USP43: variants seen among roughly 807,000 people sequenced by gnomAD.
USP43 encodes ubiquitin carboxyl-terminal hydrolase 43.
A neutral mutation model predicts 90.7 loss-of-function variants in USP43; 33 were observed. That is an observed-to-expected ratio of 0.36 (90% CI 0.28 to 0.49). The LOEUF is 0.49. Among genes scored for constraint, USP43 ranks in the 20% least tolerant of loss-of-function variants. The pLI is 0.98. For synonymous variants in USP43, 598 were observed against 615.8 expected, an observed-to-expected ratio of 0.97 and a Z score of 0.43; for missense variants, 1,274 against 1,476.4, an observed-to-expected ratio of 0.86 and a Z score of 2.25.
At chr17:9,704,662 C>T (rs1468798885) in intron 12 of USP43, among the ~76,000 whole-genome samples, 2 of 152,034 alleles carry the variant, frequency 1.3e-5, no homozygotes, top group Non-Finnish European at 2.9e-5. Flanking sequence ...TGTTTTGGGT[C>T]CTCACCTGGC....
At position 9,645,753 on chromosome 17, in the gene USP43, C is replaced by T. The variant is rs1911337323; in HGVS notation, c.121C>T (p.Pro41Ser). ...GCTGGCGCTGGGCAGCCGCTCACGC[C>T]CCGGGGACTCACCGCCCCGGCCCCA... ...FLLALGSRSR[P>S]GDSPPRPQPG... Residue 41 changes from proline (P) to serine (S), a missense_variant, in exon 1 of 15, where the codon CCC (proline) becomes TCC (serine). Around this residue, in one of 6 missense-constraint regions of USP43, gnomAD observed 112 missense variants for 106.6 expected, o/e 1.05. Transcript: ENST00000285199. This position sits in a 1 kb window ranked among gnomAD's most constrained non-coding sequence, Gnocchi z 6.8. The T allele has an allele frequency of 5.7e-6, 8 of 1,396,854 alleles. No individual in the cohort carries two copies. The East Asian group carries it at 1.5e-4, about 27-fold the overall frequency. 86.5% of individuals were successfully genotyped at this position (1,396,854 alleles called of 1,614,324 possible).
intron 6 of USP43, among the ~76,000 whole-genome samples, chr17:9,681,123 AAT>A (rs547924777): frequency 4.9e-4 from 56 of 113,286 alleles, no homozygotes; most frequent in East Asian, 2.8e-3. Flanking sequence ...TATACTATAT[AAT>A]ATATACTATA....
chr17:9,657,040 T>C (rs1315380689), intron 2 of USP43, among the ~76,000 whole-genome samples: 1 of 152,224 alleles, frequency 6.6e-6, no homozygotes, highest in African/African-American at 2.4e-5. Flanking sequence ...AGGAAAGCAC[T>C]ACAATCATTT....
chr17:9,681,902 T>G (rs1326340981), intron 6 of USP43, among the ~76,000 whole-genome samples: 1 of 152,292 alleles, frequency 6.6e-6, no homozygotes, highest in African/African-American at 2.4e-5. Flanking sequence ...CTATGGGAAC[T>G]GGATGTTTGA....
In USP43 at chr17:9,652,448, G is replaced by A. The variant is rs369309647; in HGVS notation, c.505-3955G>A. Among the ~76,000 whole-genome samples, 7 of 151,310 alleles carry A rather than the reference G, an allele frequency of 4.6e-5. No homozygotes were observed. The South Asian group carries it at 1.0e-3, about 23-fold the overall frequency. On this transcript the variant is annotated intron_variant, in intron 1 of 14. Transcript: ENST00000285199. ...ACCATCTCGGCTCACTGCAAGCTCC[G>A]CCTCCCGGGTTCAAGTGATTCTTCT...
chr17:9,680,129 A>G, intron 5 of USP43, 102 bp from the exon 6 acceptor site: 2 of 1,341,356 alleles, frequency 1.5e-6, no homozygotes, highest in Non-Finnish European at 2.1e-6. Context: ...AATTGGAAGG[A>G]AAAGGTGAAA....
In USP43 at chr17:9,686,438, C is replaced by G; in HGVS notation, c.1242-360C>G. ...TTCCCACCAACAGTGTATAAGAGTTCCCTTTTCTCCATATCCTCACCAGCA... is the reference window on the plus strand; with the variant it reads ...TTCCCACCAACAGTGTATAAGAGTTGCCTTTTCTCCATATCCTCACCAGCA... On this transcript the variant is annotated intron_variant, in intron 7 of 14. Coordinates refer to ENST00000285199, the MANE Select transcript of USP43 (RefSeq NM_153210.5). This position sits in a 1 kb window ranked among gnomAD's most constrained non-coding sequence, Gnocchi z 5.5. Among the ~76,000 whole-genome samples the G allele has an allele frequency of 6.6e-6, 1 of 152,112 alleles. No individual in the cohort carries two copies. The highest frequency in any genetic ancestry group is 1.9e-4 in the East Asian group (1 of 5,188).
rs1914628377 is a variant in USP43 at position 9,686,940 on chromosome 17, T to TGC, written c.1353+33_1353+34dup. ...TGGTGTGCATGCGTGTGTGTGTGTG[T>TGC]GCGTGCATGCGCATGTGCATGCGTG... On this transcript the variant is annotated intron_variant, in intron 8 of 14. Transcript: ENST00000285199. The surrounding 1 kb of genome is among the most constrained non-coding windows in gnomAD (Gnocchi z 5.5). The TGC allele has an allele frequency of 1.9e-6, 3 of 1,548,988 alleles. No homozygotes were observed. Among genetic ancestry groups the TGC allele is most frequent in the Non-Finnish European group, 2.7e-6 (3 of 1,127,786 alleles).
intron 14 of USP43, among the ~76,000 whole-genome samples, chr17:9,719,663 T>G (rs564311446): frequency 4.0e-5 from 6 of 151,734 alleles, no homozygotes; most frequent in African/African-American, 1.4e-4. Flanking sequence ...CGCTTTCACA[T>G]GGAGAGAGAC....
At position 9,685,011 on chromosome 17, in the gene USP43, G is replaced by A. The variant is rs550683376; in HGVS notation, c.1242-1787G>A. The stretch of plus-strand genomic sequence containing the variant: ...CTTTACCCTAAGGGAATAATTGTGC[G>A]CTCAAAGGTTATGTCCAAGGTTATA... On this transcript the variant is annotated intron_variant, in intron 7 of 14. Coordinates refer to ENST00000285199, the MANE Select transcript of USP43 (RefSeq NM_153210.5). 8.7e-4 allele frequency among the ~76,000 whole-genome samples: 133 copies of A among 152,180 alleles called. No individual in the cohort carries two copies. The South Asian group carries it at 0.023, about 26-fold the overall frequency.
chr17:9,650,469 C>A (rs1911776695), intron 1 of USP43, among the ~76,000 whole-genome samples: 1 of 152,116 alleles, frequency 6.6e-6, no homozygotes, highest in South Asian at 2.1e-4. Context: ...GGGGCGCTAT[C>A]TCGGCTCACT....
In USP43 at chr17:9,709,656, C is replaced by T. The variant is rs1004139471; in HGVS notation, c.2012-300C>T. Among the ~76,000 whole-genome samples the T allele has an allele frequency of 6.6e-6, 1 of 152,002 alleles. No individual in the cohort carries two copies. The highest frequency in any genetic ancestry group is 6.6e-5 in the Admixed American group (1 of 15,242). On this transcript the variant is annotated intron_variant, in intron 12 of 14. Transcript: ENST00000285199. This position sits in a 1 kb window ranked among gnomAD's most constrained non-coding sequence, Gnocchi z 5.0. The stretch of plus-strand genomic sequence containing the variant: ...ACTGGAACCCGGGGGGTGGAGGTTG[C>T]CGTGAGCCGAGATCGCGCCACTTCA...
chr17:9,666,319 A>G (rs1241096062), intron 2 of USP43, among the ~76,000 whole-genome samples: 1 of 152,194 alleles, frequency 6.6e-6, no homozygotes, highest in African/African-American at 2.4e-5. Context: ...GCATCTAGAC[A>G]TTGAAGCCGA....
intron 8 of USP43, among the ~76,000 whole-genome samples, chr17:9,691,888 A>G (rs1348357507): frequency 1.3e-5 from 2 of 151,646 alleles, no homozygotes; most frequent in Admixed American, 6.6e-5. Flanking sequence ...AAAAATACAA[A>G]AAAAATTAGC....
rs948454081 is a variant in USP43 at position 9,686,403 on chromosome 17, G to A, written c.1242-395G>A. ...GAAGAACCTCCATGCTTTTCTCCAC[G>A]GTGTCTCCATTCCCACCAACAGTGT... On this transcript the variant is annotated intron_variant, in intron 7 of 14. Coordinates refer to ENST00000285199, the MANE Select transcript of USP43 (RefSeq NM_153210.5). This position sits in a 1 kb window ranked among gnomAD's most constrained non-coding sequence, Gnocchi z 5.5. Among the ~76,000 whole-genome samples, 6 of 152,056 alleles carry A rather than the reference G, an allele frequency of 3.9e-5. No homozygotes were observed. The highest frequency in any genetic ancestry group is 3.9e-4 in the East Asian group (2 of 5,168).
intron 14 of USP43, among the ~76,000 whole-genome samples, chr17:9,719,437 A>G (rs1056291305): frequency 1.3e-5 from 2 of 152,134 alleles, no homozygotes; most frequent in Admixed American, 6.5e-5. Context: ...CCTTGCAGGC[A>G]TTTTACTCGC....
At chr17:9,682,706 C>T (rs535500348) in intron 6 of USP43, 117 bp from the exon 7 acceptor site, 1 of 1,342,208 alleles carries the variant, frequency 7.5e-7, no homozygotes, top group Admixed American at 2.6e-5. Flanking sequence ...CTCTAGTGGC[C>T]CCCCATTGGT....
chr17:9,667,076 G>A (rs181930613), intron 3 of USP43, among the ~76,000 whole-genome samples: 1 of 152,250 alleles, frequency 6.6e-6, no homozygotes, highest in Non-Finnish European at 1.5e-5. Flanking sequence ...GACCCTTCCT[G>A]TTTGTTCTCT....
At chr17:9,689,890 T>C (rs998830362) in intron 8 of USP43, among the ~76,000 whole-genome samples, 6 of 152,136 alleles carry the variant, frequency 3.9e-5, no homozygotes, top group Non-Finnish European at 7.4e-5. Flanking sequence ...CTCCCCCAGA[T>C]TTAAATTAAC....
Sources: gnomAD v4.1 joint callset for allele counts (sites outside exome capture counted in the v4.1 genomes callset) on GRCh38, gnomAD v4.1.1 for gene constraint, gnomAD v4.1.1 regional missense constraint, Gnocchi (gnomAD v3.1) non-coding constraint, MANE v1.5 for transcripts, NCBI Gene and HGNC (gene_info 2026-07-23, HGNC 2026-07-21) for gene names.